The following REV1 variants were observed in gnomAD, a reference collection of about 807,000 sequenced individuals.
The protein encoded by REV1 is REV1 DNA directed polymerase.
In REV1, 42 loss-of-function variants were observed where a neutral mutation model predicts 137.4. The ratio of observed to expected loss-of-function variants is 0.31; its 90% CI spans 0.24 to 0.40. The LOEUF (loss-of-function observed/expected upper bound fraction) is 0.40, where lower values mean the gene tolerates loss of function less well. Among genes scored for constraint, REV1 ranks in the 10% least tolerant of loss-of-function variants. The probability of loss-of-function intolerance (pLI) is 1.00; values close to 1 mark genes in which losing one functional copy is unlikely to be tolerated. For synonymous variants in REV1, 524 were observed against 519.2 expected (o/e 1.01, Z -0.12); for missense variants, 1,282 against 1,490.1 (o/e 0.86, Z 2.30).
chr2:99,452,542 G>GT (rs529147572), intron 3 of REV1, among the ~76,000 whole-genome samples: 31 of 152,118 alleles, frequency 2.0e-4, no homozygotes, highest in Admixed American at 1.8e-3. Context: ...GCAATGTACT[G>GT]TAACAGTTAA....
rs867370507 is a variant in REV1, at chr2:99,438,630, C to T, written c.1184G>A (p.Gly395Asp). ...GTCAGTTACAACAAGTGCAGACCTG[C>T]CTGTTTTCATTTTTTTTAACTTTTC... is the stretch of plus-strand genomic sequence containing the variant. ...GREKLKKMKT[G>D]RSALVVTDTG... Residue 395 changes from glycine to aspartate, a missense_variant, in exon 6 of 23, where the codon GGC becomes GAC. Physicochemically the swap from Gly to Asp is moderately conservative, Grantham distance 94. Coordinates refer to ENST00000258428, the MANE Select transcript of REV1 (RefSeq NM_016316.4). The T allele has an allele frequency of 6.2e-7, 1 of 1,613,576 alleles. No homozygotes were observed. Among genetic ancestry groups the T allele is most frequent in the Non-Finnish European group, 8.5e-7 (1 of 1,179,886 alleles).
At chr2:99,446,203 T>A (rs1041272798) in intron 4 of REV1, among the ~76,000 whole-genome samples, 1 of 152,176 alleles carries the variant, frequency 6.6e-6, no homozygotes, top group African/African-American at 2.4e-5. Flanking sequence ...ACAAACAGGA[T>A]TCAGAACACC....
chr2:99,441,372 G>A (rs1256150128), intron 5 of REV1, among the ~76,000 whole-genome samples: 1 of 151,576 alleles, frequency 6.6e-6, no homozygotes, highest in Non-Finnish European at 1.5e-5. Context: ...ATAAAGAGAA[G>A]GCTAACCATA....
chr2:99,403,273 C>T, intron 19 of REV1, 167 bp from the exon 20 acceptor site: 1 of 614,938 alleles, frequency 1.6e-6, no homozygotes, highest in East Asian at 2.8e-5. Flanking sequence ...AAAGTACAGG[C>T]TCTCCAATTC....
chr2:99,466,919 T>C (rs948245012), intron 1 of REV1, among the ~76,000 whole-genome samples: 2 of 152,314 alleles, frequency 1.3e-5, no homozygotes, highest in Middle Eastern at 6.8e-3. Flanking sequence ...CCAACAGACT[T>C]CAGCCCTTAA....
rs201028023 is a variant in REV1, at chr2:99,440,975, A to G, written c.503+1342T>C. 2.6e-5 allele frequency among the ~76,000 whole-genome samples: 4 copies of G among 152,364 alleles called. No homozygotes were observed. In the East Asian group the frequency reaches 5.8e-4, roughly 22 times the overall value. On this transcript the variant is annotated intron_variant, in intron 5 of 22. Coordinates refer to ENST00000258428, the MANE Select transcript of REV1 (RefSeq NM_016316.4). ...GCTGTACTGGAAATATCACGGGTAG[A>G]GATACATTTTTTAGGCAATGGCATA... is the stretch of plus-strand genomic sequence containing the variant.
rs181513866 is a variant in REV1 at position 99,437,229 on chromosome 2, C to T, written c.1214-1288G>A. ...CACTCCTGGGCTCAAGCAATCCTCC[C>T]GCCTCGGCCTCCGAAAGTGTGCGAA... On this transcript the variant is annotated intron_variant, in intron 6 of 22. Coordinates refer to ENST00000258428, the MANE Select transcript of REV1 (RefSeq NM_016316.4). 2.5e-4 allele frequency among the ~76,000 whole-genome samples: 38 copies of T among 152,106 alleles called. 1 individual carries two copies. The East Asian group carries it at 6.4e-3, about 26-fold the overall frequency.
rs1175418960 is a variant in REV1, at chr2:99,412,895, C to T, written c.2008G>A (p.Asp670Asn). Residue 670 changes from aspartate to asparagine, a missense_variant, in exon 13 of 23, where the codon GAC becomes AAC. Physicochemically the swap from Asp to Asn is conservative, Grantham distance 23 (BLOSUM62 1). Coordinates refer to ENST00000258428, the MANE Select transcript of REV1 (RefSeq NM_016316.4). The part of the protein sequence containing the change: ...LASLGIKTCG[D>N]LQYMTMAKLQ... ...TTTGCCATGGTCATATACTGCAAGT[C>T]TCCACAAGTTTTAATTCCCAAAGAT... The T allele has an allele frequency of 6.2e-7, 1 of 1,614,032 alleles. No homozygotes were observed. The highest frequency in any genetic ancestry group is 1.3e-5 in the African/African-American group (1 of 74,930).
At position 99,464,980 on chromosome 2, in the gene REV1, G is replaced by T; in HGVS notation, c.-5C>A. On this transcript the variant is annotated 5_prime_UTR_variant, in exon 2 of 23. Coordinates refer to ENST00000258428, the MANE Select transcript of REV1 (RefSeq NM_016316.4). Reference sequence around the variant, plus strand: ...CCTCCATCCACCTCGCCTCATGGTGGAGCTTCTGTATTGGGGAGGAAAAAA... The same window carrying T: ...CCTCCATCCACCTCGCCTCATGGTGTAGCTTCTGTATTGGGGAGGAAAAAA... 6.2e-7 allele frequency: 1 copy of T among 1,612,482 alleles called. No individual in the cohort carries two copies. The highest frequency in any genetic ancestry group is 8.5e-7 in the Non-Finnish European group (1 of 1,179,116).
intron 15 of REV1, 25 bp downstream of exon 15, chr2:99,408,004 A>G (rs1676582906): frequency 2.1e-6 from 3 of 1,398,866 alleles, no homozygotes; most frequent in Middle Eastern, 1.8e-4. Flanking sequence ...CAAAGTCAGA[A>G]TTTACAATGT....
intron 12 of REV1, among the ~76,000 whole-genome samples, chr2:99,414,417 A>G (rs1032110075): frequency 2.0e-5 from 3 of 152,222 alleles, no homozygotes; most frequent in Non-Finnish European, 4.4e-5. Flanking sequence ...AAGCCAGAAC[A>G]AAGGGCAAGT....
chr2:99,444,588 T>G (rs1681950563), intron 4 of REV1, among the ~76,000 whole-genome samples: 1 of 152,166 alleles, frequency 6.6e-6, no homozygotes, highest in Non-Finnish European at 1.5e-5. Context: ...ATTTAAATAC[T>G]GCAAGTCTCA....
chr2:99,416,989 G>A (rs2104539727), intron 12 of REV1, among the ~76,000 whole-genome samples: 1 of 151,456 alleles, frequency 6.6e-6, no homozygotes, highest in East Asian at 1.9e-4. Flanking sequence ...GGATTACTAG[G>A]TCAAGTAGCT....
At chr2:99,426,337 A>C (rs1679363443) in intron 9 of REV1, among the ~76,000 whole-genome samples, 1 of 151,888 alleles carries the variant, frequency 6.6e-6, no homozygotes, top group African/African-American at 2.4e-5. Context: ...ACAAGAGCGA[A>C]ATTCTATCTC....
At chr2:99,411,215 G>A (rs1488753015) in intron 13 of REV1, among the ~76,000 whole-genome samples, 1 of 152,036 alleles carries the variant, frequency 6.6e-6, no homozygotes, top group African/African-American at 2.4e-5. Flanking sequence ...TTGAACCCAG[G>A]AGACGGAGGT....
chr2:99,454,335 A>C (rs1216660634), intron 3 of REV1, among the ~76,000 whole-genome samples: 1 of 152,060 alleles, frequency 6.6e-6, no homozygotes, highest in East Asian at 1.9e-4. Flanking sequence ...GGATCCTCTG[A>C]GGTCAGGAGT....
intron 3 of REV1, among the ~76,000 whole-genome samples, chr2:99,457,712 G>A (rs1034597260): frequency 6.6e-6 from 1 of 151,522 alleles, no homozygotes; most frequent in Non-Finnish European, 1.5e-5. Flanking sequence ...GAGAGAGAGA[G>A]GCGTAGGTCC....
At chr2:99,445,286 C>A (rs3792137) in intron 4 of REV1, among the ~76,000 whole-genome samples, 65,464 of 151,972 alleles carry the variant, frequency 0.43, 14,335 homozygotes, top group Admixed American at 0.58. Context: ...ACATGACAAA[C>A]GTATATGGTT....
intron 12 of REV1, 29 bp downstream of exon 12, chr2:99,418,799 A>G (rs768166165): frequency 1.3e-6 from 2 of 1,595,218 alleles, no homozygotes; most frequent in Non-Finnish European, 8.6e-7. Context: ...TGCCTGTAAT[A>G]AAAGTATTGT....
Sources: gnomAD v4.1 joint callset for allele counts (sites outside exome capture counted in the v4.1 genomes callset) on GRCh38, gnomAD v4.1.1 for gene constraint, MANE v1.5 for transcripts, NCBI Gene and HGNC (gene_info 2026-07-23, HGNC 2026-07-21) for gene names.